Variants in THRAP3 observed in about 807,000 individuals in gnomAD.
THRAP3 encodes thyroid hormone receptor-associated protein 3.
In THRAP3, 16 loss-of-function variants were observed where a neutral mutation model predicts 101.0. The ratio of observed to expected loss-of-function variants is 0.16; its 90% CI spans 0.11 to 0.24. The LOEUF is 0.24. THRAP3 is among the 10% of genes least tolerant of loss of function. THRAP3 has a pLI of 1.00. For missense variants in THRAP3, 989 were observed against 1,202.7 expected (o/e 0.82, Z 2.63); for synonymous variants, 407 against 422.6 (o/e 0.96, Z 0.45).
chr1:36,252,375 T>C (rs1469009481), intron 1 of THRAP3, among the ~76,000 whole-genome samples: 3 of 152,186 alleles, frequency 2.0e-5, no homozygotes, highest in Non-Finnish European at 4.4e-5. Context: ...TCCACCTGCC[T>C]TGGCCTCCCA....
At chr1:36,241,324 C>T (rs1478072108) in intron 1 of THRAP3, among the ~76,000 whole-genome samples, 5 of 147,826 alleles carry the variant, frequency 3.4e-5, no homozygotes, top group African/African-American at 1.3e-4. Context: ...AATGACAGTG[C>T]CCTAATGAGA....
At chr1:36,301,151 C>G in intron 10 of THRAP3, 67 bp downstream of exon 10, 1 of 1,485,902 alleles carries the variant, frequency 6.7e-7, no homozygotes, top group South Asian at 1.2e-5. Flanking sequence ...CACGTTTCAT[C>G]AGAATACCAG....
chr1:36,244,974 C>G (rs1210207366), intron 1 of THRAP3, among the ~76,000 whole-genome samples: 1 of 151,898 alleles, frequency 6.6e-6, no homozygotes, highest in Non-Finnish European at 1.5e-5. Flanking sequence ...CCCGCCTCGG[C>G]CTCCCAAAGT....
At chr1:36,294,228 A>G (rs1645917223) in intron 8 of THRAP3, 1 of 1,164,882 alleles carries the variant, frequency 8.6e-7, no homozygotes, top group East Asian at 4.4e-5. Flanking sequence ...ACTTTTTGTG[A>G]TATTTTTCTG....
chr1:36,219,767 C>G (rs977315213), upstream of THRAP3, among the ~76,000 whole-genome samples: 1 of 152,108 alleles, frequency 6.6e-6, no homozygotes, highest in Non-Finnish European at 1.5e-5. Context: ...TAGCCTTCCA[C>G]TGGAAGCAGA....
At chr1:36,229,741 C>T (rs764203658) in intron 1 of THRAP3, among the ~76,000 whole-genome samples, 7 of 152,010 alleles carry the variant, frequency 4.6e-5, no homozygotes, top group Admixed American at 2.0e-4. Context: ...CAACCTCTGC[C>T]TCCTGGGTTC....
At chr1:36,292,805 A>T (rs545330727) in intron 7 of THRAP3, 96 bp downstream of exon 7, 1 of 901,308 alleles carries the variant, frequency 1.1e-6, no homozygotes, top group East Asian at 2.5e-5. Context: ...TGCACCTTTA[A>T]TACAAAATTT....
the THRAP3 span, among the ~76,000 whole-genome samples, chr1:36,210,481 A>T: frequency 5.4e-5 from 8 of 148,698 alleles, no homozygotes; most frequent in Non-Finnish European, 1.2e-4. Flanking sequence ...CTGAGGTCAG[A>T]AGTTCGAGAC....
chr1:36,265,764 C>T (rs921607402), intron 2 of THRAP3, among the ~76,000 whole-genome samples: 1 of 152,058 alleles, frequency 6.6e-6, no homozygotes, highest in Non-Finnish European at 1.5e-5. Flanking sequence ...CATATCAACC[C>T]GTCATCTAGG....
chr1:36,243,948 A>C, intron 1 of THRAP3, among the ~76,000 whole-genome samples: 1 of 29,400 alleles, frequency 3.4e-5, no homozygotes, highest in South Asian at 2.1e-3. Context: ...TCCCTCCCGG[A>C]TGGGGCGGCT....
chr1:36,270,279 A>G (rs1054867988), intron 2 of THRAP3, among the ~76,000 whole-genome samples: 1 of 152,052 alleles, frequency 6.6e-6, no homozygotes, highest in African/African-American at 2.4e-5. Flanking sequence ...AGTCCCAGCT[A>G]CTCAGGAGGC....
At chr1:36,272,468 CTCTAT>C (rs1445759256) in intron 2 of THRAP3, among the ~76,000 whole-genome samples, 3 of 152,044 alleles carry the variant, frequency 2.0e-5, no homozygotes, top group African/African-American at 7.2e-5. Context: ...CACAGCTGCC[CTCTAT>C]TCTGTTTCTG....
chr1:36,280,022 C>T (rs2937375), intron 2 of THRAP3, among the ~76,000 whole-genome samples: 5,193 of 152,176 alleles, frequency 0.034, 330 homozygotes, highest in African/African-American at 0.12. Flanking sequence ...GGGTGGCTCA[C>T]GCATGTAATC....
chr1:36,256,350 T>G (rs550501110), intron 1 of THRAP3, among the ~76,000 whole-genome samples: 131 of 151,888 alleles, frequency 8.6e-4, no homozygotes, highest in African/African-American at 2.9e-3. Context: ...CTCAGCCTCC[T>G]GAGTAGCTGG....
chr1:36,267,240 G>A (rs1316565574), intron 2 of THRAP3, among the ~76,000 whole-genome samples: 1 of 152,170 alleles, frequency 6.6e-6, no homozygotes, highest in Non-Finnish European at 1.5e-5. Flanking sequence ...CACAGTGTAT[G>A]TGTATGTGTG....
At position 36,289,223 on chromosome 1, in the gene THRAP3, C is replaced by G; in HGVS notation, c.1204C>G (p.Pro402Ala). 6.2e-7 allele frequency: 1 copy of G among 1,614,018 alleles called. No homozygotes were observed. Among genetic ancestry groups the G allele is most frequent in the Non-Finnish European group, 8.5e-7 (1 of 1,180,006 alleles). Residue 402 changes from proline to alanine, a missense_variant, in exon 5 of 12, where the codon CCT becomes GCT. Coordinates refer to ENST00000354618, the MANE Select transcript of THRAP3 (RefSeq NM_005119.4). The stretch of plus-strand genomic sequence containing the variant: ...TGCTCCCAAAACTGATTCTGAGAAG[C>G]CTTTTCGGGGCAGTCAGTCTCCCAA... ...SFAPKTDSEK[P>A]FRGSQSPKRY...
intron 1 of THRAP3, among the ~76,000 whole-genome samples, chr1:36,243,975 A>C: frequency 9.0e-6 from 1 of 111,108 alleles, no homozygotes; most frequent in African/African-American, 3.6e-5. Flanking sequence ...CGGGGGGCTG[A>C]ACCCCCCACC....
At chr1:36,212,484 G>A in the THRAP3 span, among the ~76,000 whole-genome samples, 1 of 146,574 alleles carries the variant, frequency 6.8e-6, no homozygotes, top group Non-Finnish European at 1.5e-5. Flanking sequence ...GCAGTGGCGC[G>A]ATCTCGGCTC....
chr1:36,220,044 G>C (rs1236102338), upstream of THRAP3, among the ~76,000 whole-genome samples: 2 of 152,142 alleles, frequency 1.3e-5, no homozygotes, highest in African/African-American at 4.8e-5. Context: ...ACCCAGGCTG[G>C]AGTGCAATGG....
Sources: allele counts gnomAD v4.1 joint callset (sites outside exome capture counted in the v4.1 genomes callset), GRCh38; gene constraint gnomAD v4.1.1; transcripts MANE v1.5; gene names NCBI Gene and HGNC (gene_info 2026-07-23, HGNC 2026-07-21).